The following ADAMTS19 variants were observed in gnomAD, a reference collection of about 807,000 sequenced individuals.
ADAMTS19 encodes ADAM metallopeptidase with thrombospondin type 1 motif 19, also known as A disintegrin and metalloproteinase with thrombospondin motifs 19.
ADAMTS19 carries 93 observed loss-of-function variants against 153.3 expected under a neutral mutation model. That is an observed-to-expected ratio of 0.61 (90% confidence interval 0.51 to 0.72). ADAMTS19 has a LOEUF of 0.72. ADAMTS19 is among the 30% of genes least tolerant of loss of function. The pLI is 0.00. For synonymous variants in ADAMTS19, 600 were observed against 556.6 expected, an observed-to-expected ratio of 1.08 and a Z score of -1.10; for missense variants, 1,482 against 1,552.1, an observed-to-expected ratio of 0.95 and a Z score of 0.76.
chr5:129,510,022 C>T (rs1388279164), intron 3 of ADAMTS19, among the ~76,000 whole-genome samples: 1 of 151,804 alleles, frequency 6.6e-6, no homozygotes, highest in African/African-American at 2.4e-5. Flanking sequence ...AATTTTTAGA[C>T]ATGGAATCCA....
At chr5:129,490,834 G>A (rs561191971) in intron 2 of ADAMTS19, among the ~76,000 whole-genome samples, 6 of 152,112 alleles carry the variant, frequency 3.9e-5, no homozygotes, top group East Asian at 1.9e-4. Flanking sequence ...GTCAGAGGTC[G>A]CTTAGGTTGT....
At chr5:129,582,736 C>A (rs1455884163) in intron 7 of ADAMTS19, among the ~76,000 whole-genome samples, 1 of 138,486 alleles carries the variant, frequency 7.2e-6, no homozygotes, top group African/African-American at 3.1e-5. Flanking sequence ...CCATGCCCAG[C>A]TAATTTTTTT....
intron 6 of ADAMTS19, among the ~76,000 whole-genome samples, chr5:129,532,511 A>G (rs1445465777): frequency 1.1e-4 from 16 of 152,172 alleles, no homozygotes; most frequent in Non-Finnish European, 2.9e-5. Flanking sequence ...AAATGGTTCA[A>G]CCACACTGGA....
rs756626186 is a variant in ADAMTS19, at chr5:129,684,108, T to C, written c.2665-12T>C. 1.2e-6 allele frequency: 2 copies of C among 1,608,722 alleles called. No individual in the cohort carries two copies. The highest frequency in any genetic ancestry group is 1.7e-6 in the Non-Finnish European group (2 of 1,177,284). ...TTGACCCATCTGCCTTGATCATTTTTGTATACTATAGGTGCTCCTGTTTCA... is the reference window on the plus strand; with the variant it reads ...TTGACCCATCTGCCTTGATCATTTTCGTATACTATAGGTGCTCCTGTTTCA... On this transcript the variant is annotated splice_polypyrimidine_tract_variant and intron_variant, in intron 17 of 22. Coordinates refer to ENST00000274487, the MANE Select transcript of ADAMTS19 (RefSeq NM_133638.6).
intron 8 of ADAMTS19, among the ~76,000 whole-genome samples, chr5:129,618,414 C>A (rs915574000): frequency 6.6e-6 from 1 of 151,714 alleles, no homozygotes; most frequent in Non-Finnish European, 1.5e-5. Context: ...TTATTTATAC[C>A]AGAATTTTTA....
intron 20 of ADAMTS19, 35 bp downstream of exon 20, chr5:129,701,627 C>G: frequency 1.2e-6 from 2 of 1,606,246 alleles, no homozygotes; most frequent in Admixed American, 1.7e-5. Flanking sequence ...CCCATTCCTA[C>G]TCTGACTCCT....
chr5:129,562,640 G>C (rs1010679892), intron 7 of ADAMTS19, among the ~76,000 whole-genome samples: 3 of 151,444 alleles, frequency 2.0e-5, no homozygotes, highest in Non-Finnish European at 4.4e-5. Flanking sequence ...GTGTGTGTGC[G>C]TGTGTGTGTG....
intron 7 of ADAMTS19, among the ~76,000 whole-genome samples, chr5:129,561,058 GATTT>G (rs1182811995): frequency 3.3e-5 from 5 of 152,046 alleles, no homozygotes; most frequent in Non-Finnish European, 7.4e-5. Flanking sequence ...AAAACATTTT[GATTT>G]ATTTAAAATT....
chr5:129,535,987 AG>A (rs1182673442), intron 6 of ADAMTS19, among the ~76,000 whole-genome samples: 2 of 152,218 alleles, frequency 1.3e-5, no homozygotes, highest in Non-Finnish European at 2.9e-5. Context: ...AATACCATTC[AG>A]GACACAGGCA....
At chr5:129,645,562 G>A (rs990139632) in intron 11 of ADAMTS19, among the ~76,000 whole-genome samples, 6 of 152,092 alleles carry the variant, frequency 3.9e-5, no homozygotes, top group African/African-American at 9.7e-5. Flanking sequence ...TTGCATTTCT[G>A]TATCCATTTC....
At chr5:129,616,306 T>C (rs569025063) in intron 8 of ADAMTS19, among the ~76,000 whole-genome samples, 12 of 152,018 alleles carry the variant, frequency 7.9e-5, no homozygotes, top group Non-Finnish European at 1.5e-4. Flanking sequence ...CAGTAAGACA[T>C]TGTAATAGTT....
At chr5:129,646,081 G>T in intron 11 of ADAMTS19, among the ~76,000 whole-genome samples, 1 of 149,196 alleles carries the variant, frequency 6.7e-6, no homozygotes, top group African/African-American at 2.5e-5. Flanking sequence ...GTAGAGACGG[G>T]GTTTCACTGT....
intron 6 of ADAMTS19, among the ~76,000 whole-genome samples, chr5:129,528,980 TC>T (rs1279581838): frequency 6.6e-6 from 1 of 152,058 alleles, no homozygotes; most frequent in African/African-American, 2.4e-5. Flanking sequence ...TGTTGTAAGT[TC>T]CAAATTATGA....
chr5:129,683,987 A>T (rs1017583874), intron 17 of ADAMTS19, 133 bp from the exon 18 acceptor site: 29 of 953,812 alleles, frequency 3.0e-5, no homozygotes, highest in Non-Finnish European at 4.1e-5. Context: ...GGGTATGTCC[A>T]CAACAGCAAC....
intron 15 of ADAMTS19, among the ~76,000 whole-genome samples, chr5:129,663,771 A>G (rs1431480861): frequency 6.6e-6 from 1 of 152,194 alleles, no homozygotes; most frequent in African/African-American, 2.4e-5. Context: ...TCCTTGCTAT[A>G]GAATGTTTGA....
intron 10 of ADAMTS19, among the ~76,000 whole-genome samples, chr5:129,624,889 G>C (rs1199710647): frequency 4.6e-5 from 7 of 151,910 alleles, no homozygotes; most frequent in Non-Finnish European, 1.0e-4. Context: ...ACAATGTGCA[G>C]GTTTGTTACA....
chr5:129,536,611 A>C (rs149086018), intron 6 of ADAMTS19, among the ~76,000 whole-genome samples: 7,470 of 152,240 alleles, frequency 0.049, 245 homozygotes, highest in African/African-American at 0.089. Flanking sequence ...ACACATGCAC[A>C]TGTATGTTTA....
At position 129,735,034 on chromosome 5, in the gene ADAMTS19, G is replaced by C; in HGVS notation, c.3415G>C (p.Ala1139Pro). The C allele has an allele frequency of 6.2e-7, 1 of 1,612,030 alleles. No individual in the cohort carries two copies. Among genetic ancestry groups the C allele is most frequent in the Non-Finnish European group, 8.5e-7 (1 of 1,178,866 alleles). Residue 1139 changes from alanine to proline, a missense_variant, in exon 22 of 23, where the codon GCA becomes CCA. Ala to Pro is a conservative substitution (Grantham distance 27, BLOSUM62 -1). Coordinates refer to ENST00000274487, the MANE Select transcript of ADAMTS19 (RefSeq NM_133638.6). ...TGAATGTTTTTCCTCAGAAAAACCT[G>C]CAGCATACAGGCCATGCCATCTTCA... Reference protein sequence around the residue: ...GNECFSSEKPAAYRPCHLQPC... With the variant: ...GNECFSSEKPPAYRPCHLQPC...
At chr5:129,462,169 C>G (rs1561525593) in intron 2 of ADAMTS19, among the ~76,000 whole-genome samples, 1 of 152,210 alleles carries the variant, frequency 6.6e-6, no homozygotes, top group Non-Finnish European at 1.5e-5. Context: ...GCCGCACTCT[C>G]AGTTCCTCAT....
Sources: allele counts gnomAD v4.1 joint callset (sites outside exome capture counted in the v4.1 genomes callset), GRCh38; gene constraint gnomAD v4.1.1; transcripts MANE v1.5; gene names NCBI Gene and HGNC (gene_info 2026-07-23, HGNC 2026-07-21).